Variants in AKAP13 observed in about 807,000 individuals in gnomAD.
AKAP13 encodes the protein A-kinase anchor protein 13.
Under a neutral mutation model 264.5 loss-of-function variants are expected in AKAP13, and 80 were observed. The observed-to-expected ratio is 0.30, with a 90% CI of 0.25 to 0.36. AKAP13 has a LOEUF of 0.36. AKAP13 is among the 10% of genes least tolerant of loss of function. The probability of loss-of-function intolerance (pLI) is 1.00; values close to 1 mark genes in which losing one functional copy is unlikely to be tolerated. For synonymous variants in AKAP13, 1,380 were observed against 1,250.2 expected, an observed-to-expected ratio of 1.10 and a Z score of -2.19; for missense variants, 3,712 against 3,435.2, an observed-to-expected ratio of 1.08 and a Z score of -2.01.
At chr15:85,544,039 C>T in intron 5 of AKAP13, 84 bp downstream of exon 5, 1 of 1,514,472 alleles carries the variant, frequency 6.6e-7, no homozygotes, top group East Asian at 2.3e-5. Context: ...CTTGGCATCT[C>T]ATTGTGTGTT....
intron 2 of AKAP13, among the ~76,000 whole-genome samples, chr15:85,490,035 C>T (rs1285127873): frequency 6.6e-6 from 1 of 152,080 alleles, no homozygotes; most frequent in Non-Finnish European, 1.5e-5. Flanking sequence ...TTCTCACAGT[C>T]GCCACAAAAG....
intron 7 of AKAP13, chr15:85,582,823 G>T (rs772454247): frequency 3.1e-6 from 3 of 976,328 alleles, no homozygotes; most frequent in Non-Finnish European, 3.7e-6. Context: ...CAGGATTTCC[G>T]CCCAAGCCCA....
At chr15:85,484,917 A>T (rs1477074296) in intron 1 of AKAP13, among the ~76,000 whole-genome samples, 1 of 152,296 alleles carries the variant, frequency 6.6e-6, no homozygotes, top group East Asian at 1.9e-4. Flanking sequence ...ACTTCCTCAG[A>T]TCAAATTATA....
intron 8 of AKAP13, among the ~76,000 whole-genome samples, chr15:85,596,663 A>G (rs1489806921): frequency 1.3e-5 from 2 of 152,210 alleles, no homozygotes; most frequent in East Asian, 1.9e-4. Flanking sequence ...GACTTTTCAC[A>G]TGTGATTTCA....
chr15:85,580,661 C>G lies in AKAP13; in HGVS notation c.2593C>G (p.Leu865Val). ...ELQHGMGNTS[L>V]TGLGGEHEGP... The stretch of plus-strand genomic sequence containing the variant: ...TCAGCACGGGATGGGGAATACCAGT[C>G]TCACAGGACTTGGTGGAGAGCATGA... The change falls in exon 7 of 37, where the codon CTC (leucine) becomes GTC (valine). Residue 865 changes from leucine (L) to valine (V), a missense_variant. Leu to Val is a conservative substitution (Grantham distance 32). This residue lies in a region of AKAP13 where 2,759 missense variants were observed against 2,411.7 expected (regional missense o/e 1.14). Transcript: ENST00000394518. 1 of 1,614,214 alleles carries G rather than the reference C, an allele frequency of 6.2e-7. No individual in the cohort carries two copies. Among genetic ancestry groups the G allele is most frequent in the Non-Finnish European group, 8.5e-7 (1 of 1,180,030 alleles).
chr15:85,387,506 G>A (rs879834545), intron 1 of AKAP13, among the ~76,000 whole-genome samples: 1 of 151,882 alleles, frequency 6.6e-6, no homozygotes, highest in Non-Finnish European at 1.5e-5. Context: ...TTTTATTTTT[G>A]TAGAGACAGA....
intron 5 of AKAP13, among the ~76,000 whole-genome samples, chr15:85,569,230 A>G (rs1193015830): frequency 6.6e-6 from 1 of 152,132 alleles, no homozygotes; most frequent in Non-Finnish European, 1.5e-5. Context: ...CAGAACTAAG[A>G]GAGACTTTGA....
At chr15:85,704,987 A>G (rs1307339321) in intron 17 of AKAP13, among the ~76,000 whole-genome samples, 2 of 152,234 alleles carry the variant, frequency 1.3e-5, no homozygotes, top group African/African-American at 4.8e-5. Flanking sequence ...GTACTTCAGC[A>G]TGTTAAGGAG....
chr15:85,602,835 C>G (rs1320137460), intron 8 of AKAP13, among the ~76,000 whole-genome samples: 1 of 152,174 alleles, frequency 6.6e-6, no homozygotes, highest in Admixed American at 6.5e-5. Context: ...TTTGTAAAAT[C>G]CTACATTGGT....
At chr15:85,688,405 A>G (rs1233323726) in intron 16 of AKAP13, among the ~76,000 whole-genome samples, 1 of 152,196 alleles carries the variant, frequency 6.6e-6, no homozygotes, top group African/African-American at 2.4e-5. Context: ...AATCTACCAT[A>G]CAATAAAACT....
At chr15:85,744,104 T>C in intron 36 of AKAP13, 1 of 437,548 alleles carries the variant, frequency 2.3e-6, no homozygotes, top group Non-Finnish European at 4.1e-6. Flanking sequence ...AATGAAGTAA[T>C]TCAAGTCCTC....
At chr15:85,532,228 C>T (rs1189795747) in intron 3 of AKAP13, among the ~76,000 whole-genome samples, 1 of 152,170 alleles carries the variant, frequency 6.6e-6, no homozygotes, top group Non-Finnish European at 1.5e-5. Context: ...AGGATGAGGG[C>T]TTAAGGAGGC....
intron 10 of AKAP13, among the ~76,000 whole-genome samples, chr15:85,650,951 A>AT (rs2082809293): frequency 6.6e-6 from 1 of 151,934 alleles, no homozygotes; most frequent in African/African-American, 2.4e-5. Context: ...GTGAGCCATT[A>AT]TTTTCCAAGG....
chr15:85,439,147 A>C (rs1425952077), intron 1 of AKAP13, among the ~76,000 whole-genome samples: 2 of 152,180 alleles, frequency 1.3e-5, no homozygotes, highest in African/African-American at 2.4e-5. Flanking sequence ...GCTCCATCAA[A>C]AAGTGGGCGA....
chr15:85,650,928 A>G (rs983828715), intron 10 of AKAP13, among the ~76,000 whole-genome samples: 3 of 151,990 alleles, frequency 2.0e-5, no homozygotes, highest in Non-Finnish European at 2.9e-5. Context: ...GGCATGTGTT[A>G]GGTGTTTAAA....
At chr15:85,450,614 C>T (rs1030734244) in intron 1 of AKAP13, among the ~76,000 whole-genome samples, 1 of 152,092 alleles carries the variant, frequency 6.6e-6, no homozygotes, top group African/African-American at 2.4e-5. Context: ...TCATTATTTA[C>T]CTAAAAGTCA....
At chr15:85,407,969 A>T (rs1404724209) in intron 1 of AKAP13, among the ~76,000 whole-genome samples, 1 of 151,642 alleles carries the variant, frequency 6.6e-6, no homozygotes, top group African/African-American at 2.4e-5. Context: ...AGCAGATCTA[A>T]TGGACATTTT....
At chr15:85,689,090 CAA>C (rs2085113303) in intron 16 of AKAP13, among the ~76,000 whole-genome samples, 1 of 152,158 alleles carries the variant, frequency 6.6e-6, no homozygotes, top group Non-Finnish European at 1.5e-5. Flanking sequence ...TGTAGACAAA[CAA>C]GAGGTGGTTA....
At chr15:85,696,077 T>G (rs573158073) in intron 17 of AKAP13, among the ~76,000 whole-genome samples, 1 of 152,348 alleles carries the variant, frequency 6.6e-6, no homozygotes, top group Non-Finnish European at 1.5e-5. Context: ...CAAGTCCTAC[T>G]GTGCCATACT....
Sources: gnomAD v4.1 joint callset for allele counts (sites outside exome capture counted in the v4.1 genomes callset) on GRCh38, gnomAD v4.1.1 for gene constraint, gnomAD v4.1.1 regional missense constraint, MANE v1.5 for transcripts, NCBI Gene and HGNC (gene_info 2026-07-23, HGNC 2026-07-21) for gene names.